Variants in FMNL2 observed in about 807,000 individuals in gnomAD.
The protein encoded by FMNL2 is formin-like protein 2.
A neutral mutation model predicts 130.2 loss-of-function variants in FMNL2; 51 were observed. The ratio of observed to expected loss-of-function variants is 0.39; its 90% CI spans 0.31 to 0.49. The LOEUF is 0.49. FMNL2 is among the 20% of genes least tolerant of loss of function. The pLI is 0.85. For missense variants in FMNL2, 977 were observed against 1,316.2 expected (o/e 0.74, Z 3.99); for synonymous variants, 465 against 467.1 (o/e 1.00, Z 0.06).
At chr2:152,393,808 G>A (rs143694023) in intron 1 of FMNL2, among the ~76,000 whole-genome samples, 20 of 152,314 alleles carry the variant, frequency 1.3e-4, no homozygotes, top group Admixed American at 4.6e-4. Flanking sequence ...CAGGCTTTGT[G>A]GGCCATACAG....
chr2:152,635,102 G>A (rs970000620), intron 21 of FMNL2, among the ~76,000 whole-genome samples: 1 of 152,116 alleles, frequency 6.6e-6, no homozygotes, highest in African/African-American at 2.4e-5. Context: ...TGAAAGCAAC[G>A]ATTTTTTAAA....
intron 11 of FMNL2, among the ~76,000 whole-genome samples, chr2:152,613,408 C>T (rs184403699): frequency 1.6e-3 from 251 of 152,298 alleles, no homozygotes; most frequent in African/African-American, 4.9e-3. Flanking sequence ...CATTGTGAAT[C>T]TCATGAAAAA....
chr2:152,337,128 C>G, intron 1 of FMNL2, among the ~76,000 whole-genome samples: 1 of 152,158 alleles, frequency 6.6e-6, no homozygotes, highest in East Asian at 1.9e-4. Flanking sequence ...GTCGGGGAGA[C>G]AGATGAGGTT....
chr2:152,399,457 G>A (rs947288027), intron 1 of FMNL2, among the ~76,000 whole-genome samples: 7 of 152,180 alleles, frequency 4.6e-5, no homozygotes, highest in Non-Finnish European at 8.8e-5. Flanking sequence ...TTTCTTCATA[G>A]TATTGAAAGG....
rs1028523980 is a variant in FMNL2 at position 152,340,685 on chromosome 2, G to GT, written c.117+4973dup. Among the ~76,000 whole-genome samples the GT allele has an allele frequency of 6.6e-5, 10 of 151,894 alleles. No homozygotes were observed. The East Asian group carries it at 7.7e-4, about 12-fold the overall frequency. ...AAAAGGAAAGGAAGGTCAAGTTGTT[G>GT]TTTTTTTTGTTTGTTTTTCTTTTTG... On this transcript the variant is annotated intron_variant, in intron 1 of 25. Coordinates refer to ENST00000288670, the MANE Select transcript of FMNL2 (RefSeq NM_052905.4).
intron 9 of FMNL2, among the ~76,000 whole-genome samples, chr2:152,589,077 T>C (rs920519347): frequency 6.9e-6 from 1 of 145,706 alleles, no homozygotes. Flanking sequence ...TCTTCAGGAC[T>C]GCCCTTTTTT....
intron 12 of FMNL2, among the ~76,000 whole-genome samples, chr2:152,616,224 C>T (rs754540110): frequency 1.3e-5 from 2 of 152,032 alleles, no homozygotes; most frequent in Non-Finnish European, 2.9e-5. Context: ...CCTGAAGCCT[C>T]AGCCAACATT....
chr2:152,418,339 C>A (rs192128496), intron 1 of FMNL2, among the ~76,000 whole-genome samples: 1 of 152,082 alleles, frequency 6.6e-6, no homozygotes, highest in African/African-American at 2.4e-5. Context: ...TTTAAGCATA[C>A]GGTTCAGTGG....
intron 1 of FMNL2, among the ~76,000 whole-genome samples, chr2:152,466,123 G>C (rs952948589): frequency 1.3e-5 from 2 of 152,046 alleles, no homozygotes; most frequent in African/African-American, 2.4e-5. Context: ...AAGGAGACTG[G>C]TTAGGAGACT....
At chr2:152,598,619 GGTAGAGATT>G (rs1322009446) in intron 9 of FMNL2, among the ~76,000 whole-genome samples, 5 of 121,000 alleles carry the variant, frequency 4.1e-5, no homozygotes, top group Non-Finnish European at 1.0e-4. Flanking sequence ...AAACCCGGGA[GGTAGAGATT>G]GCAATGAGCC....
rs1441275457 is a variant in FMNL2, at chr2:152,364,259, GTGTTTTTTTTTTTTTT to G, written c.117+28541_117+28556del. Reference sequence around the variant, plus strand: ...GTTTCACATCCGTTAGGAGGTTTGTGTGTTTTTTTTTTTTTTTTTTTTTTTTTTTTTTTACCAGATC... The same window carrying G: ...GTTTCACATCCGTTAGGAGGTTTGTGTTTTTTTTTTTTTTTTTACCAGATC... On this transcript the variant is annotated intron_variant, in intron 1 of 25. Coordinates refer to ENST00000288670, the MANE Select transcript of FMNL2 (RefSeq NM_052905.4). 6.0e-5 allele frequency among the ~76,000 whole-genome samples: 6 copies of G among 100,766 alleles called. No individual in the cohort carries two copies. In the East Asian group the frequency reaches 2.0e-3, roughly 34 times the overall value. The allele number at this position is 100,766 out of a possible 152,430, so 66.1% of individuals were successfully genotyped here.
chr2:152,521,867 G>T lies in FMNL2; in HGVS notation c.118-76G>T, dbSNP rs1579871731. On this transcript the variant is annotated intron_variant, in intron 1 of 25. Transcript: ENST00000288670. ...GAAAAAACCATAGTGGTATTATTTGGTCTGCCTGCAAGTTACCAATTTGGA... is the reference window on the plus strand; with the variant it reads ...GAAAAAACCATAGTGGTATTATTTGTTCTGCCTGCAAGTTACCAATTTGGA... 1.1e-5 allele frequency: 12 copies of T among 1,107,948 alleles called. No homozygotes were observed. In the East Asian group the frequency reaches 2.9e-4, roughly 26 times the overall value. 68.6% of individuals were successfully genotyped at this position (1,107,948 alleles called of 1,614,324 possible). A position where few individuals can be genotyped will look rare whatever the true frequency, so the allele number is the denominator to read the frequency against.
chr2:152,611,216 G>A (rs1002606825), intron 10 of FMNL2, among the ~76,000 whole-genome samples: 12 of 152,110 alleles, frequency 7.9e-5, no homozygotes, highest in African/African-American at 2.9e-4. Flanking sequence ...GCACCTGCCT[G>A]TAATCCCAGC....
chr2:152,595,834 G>C (rs968327858), intron 9 of FMNL2, among the ~76,000 whole-genome samples: 1 of 147,166 alleles, frequency 6.8e-6, no homozygotes, highest in Non-Finnish European at 1.5e-5. Flanking sequence ...GCCTTATAAT[G>C]AGTCTAATGT....
chr2:152,421,423 C>T (rs1686916214), intron 1 of FMNL2, among the ~76,000 whole-genome samples: 1 of 152,188 alleles, frequency 6.6e-6, no homozygotes, highest in Non-Finnish European at 1.5e-5. Context: ...GTTGGGACAA[C>T]AAATCAGTGC....
intron 1 of FMNL2, among the ~76,000 whole-genome samples, chr2:152,356,001 C>T (rs1005287903): frequency 1.3e-5 from 2 of 152,214 alleles, no homozygotes; most frequent in Non-Finnish European, 2.9e-5. Context: ...TTCCTATGCA[C>T]TCTTGTTAAA....
intron 1 of FMNL2, among the ~76,000 whole-genome samples, chr2:152,348,477 G>T (rs1682257848): frequency 6.6e-6 from 1 of 152,202 alleles, no homozygotes; most frequent in Non-Finnish European, 1.5e-5. Context: ...TGGAGTGGCT[G>T]CTCTGGATAC....
At chr2:152,478,250 A>T (rs10605671) in intron 1 of FMNL2, among the ~76,000 whole-genome samples, 45,276 of 92,058 alleles carry the variant, frequency 0.49, 12,819 homozygotes, top group Non-Finnish European at 0.63. Context: ...ATATATATAT[A>T]TTTTTTTTTT....
chr2:152,392,442 T>G (rs771389593), intron 1 of FMNL2, among the ~76,000 whole-genome samples: 5 of 152,156 alleles, frequency 3.3e-5, no homozygotes, highest in Non-Finnish European at 5.9e-5. Context: ...ACAGAATACT[T>G]GAGACTGGGT....
Sources: gnomAD v4.1 joint callset for allele counts (sites outside exome capture counted in the v4.1 genomes callset) on GRCh38, gnomAD v4.1.1 for gene constraint, MANE v1.5 for transcripts, NCBI Gene and HGNC (gene_info 2026-07-23, HGNC 2026-07-21) for gene names.